The following AIM2 variants were observed in gnomAD, a reference collection of about 807,000 sequenced individuals.
AIM2 encodes the protein interferon-inducible protein AIM2.
In AIM2, 30 loss-of-function variants were observed where a neutral mutation model predicts 27.7. That is an observed-to-expected ratio of 1.08 (90% confidence interval 0.81 to 1.47). The LOEUF (loss-of-function observed/expected upper bound fraction) is 1.47, where lower values mean the gene tolerates loss of function less well. Ranked by LOEUF, AIM2 falls within the 40% of genes most tolerant of loss-of-function variation. The pLI, the probability that AIM2 is intolerant of heterozygous loss-of-function variation, is 0.00. For synonymous variants in AIM2, 141 were observed against 145.3 expected, an observed-to-expected ratio of 0.97 and a Z score of 0.21; for missense variants, 358 against 411.3, an observed-to-expected ratio of 0.87 and a Z score of 1.12.
chr1:159,140,873 A>G (rs1648098666), upstream of AIM2, among the ~76,000 whole-genome samples: 1 of 152,180 alleles, frequency 6.6e-6, no homozygotes, highest in Non-Finnish European at 1.5e-5. Flanking sequence ...CAGATACAAC[A>G]CTTGAAGTCT....
In AIM2 at chr1:159,066,261, T is replaced by C. The variant is rs147270343; in HGVS notation, c.465A>G (p.Pro155=). The C allele has an allele frequency of 2.2e-5, 35 of 1,614,056 alleles. No individual in the cohort carries two copies. The African/African-American group carries it at 3.9e-4, about 18-fold the overall frequency. ...IREGFQKRCL[P]VMVLKAKKPF... ...GCTTCTTTGCTTTCAGTACCATAAC[T>C]GGCAAACAGCGCTTCTGAAACCCTT... The change falls in exon 4 of 6, where the codon CCA becomes CCG. Residue 155 remains proline (P), a synonymous_variant. Transcript: ENST00000368130.
the AIM2 span, among the ~76,000 whole-genome samples, chr1:159,056,801 T>G: frequency 7.2e-6 from 1 of 138,616 alleles, no homozygotes; most frequent in African/African-American, 2.6e-5. Context: ...CTGAGCCCAA[T>G]CCTAAGCTGA....
chr1:159,065,093 C>T (rs796211841), intron 4 of AIM2, among the ~76,000 whole-genome samples: 1 of 152,260 alleles, frequency 6.6e-6, no homozygotes, highest in East Asian at 1.9e-4. Context: ...CTGAAACTAA[C>T]CCAGGGCAGC....
chr1:159,143,581 T>TACACACACACAC (rs6143439), upstream of AIM2, among the ~76,000 whole-genome samples: 28 of 144,158 alleles, frequency 1.9e-4, no homozygotes, highest in Non-Finnish European at 2.7e-4. Flanking sequence ...GCTCAGTGTG[T>TACACACACACAC]ACACACACAC....
At chr1:159,081,528 T>A, upstream of AIM2, 1 of 521,144 alleles carries the variant, frequency 1.9e-6, no homozygotes, top group Non-Finnish European at 3.9e-6. Context: ...ACATTGGTGC[T>A]GCAGAAGTCA....
chr1:159,143,581 TACACACACACACACACACACACACAC>T (rs6143439), upstream of AIM2, among the ~76,000 whole-genome samples: 312 of 144,158 alleles, frequency 2.2e-3, 3 homozygotes, highest in Middle Eastern at 0.01. Flanking sequence ...GCTCAGTGTG[TACACACACACACACACACACACACAC>T]ACACACACAC....
At chr1:159,085,461 G>A (rs549799757) in intron 1 of AIM2, among the ~76,000 whole-genome samples, 13 of 152,310 alleles carry the variant, frequency 8.5e-5, no homozygotes, top group Admixed American at 7.2e-4. Context: ...GAGTACCCAA[G>A]GAGGAGTAGG....
upstream of AIM2, among the ~76,000 whole-genome samples, chr1:159,140,800 G>A (rs566931280): frequency 2.6e-5 from 4 of 152,286 alleles, no homozygotes; most frequent in South Asian, 2.1e-4. Flanking sequence ...AAAAATGAAC[G>A]CGGGAGGAGA....
Position 159,063,670 on chromosome 1 carries a change from G to A in AIM2, c.821C>T (p.Thr274Ile). The change falls in exon 5 of 6, where the codon ACA becomes ATA. Residue 274 changes from threonine to isoleucine, a missense_variant. Physicochemically the swap from Thr to Ile is moderately conservative, Grantham distance 89. Coordinates refer to ENST00000368130, the MANE Select transcript of AIM2 (RefSeq NM_004833.3). ...VNGLFVVQKV[T>I]EKKKNILFDL... ...AAATAATATGTTTTTCTTCTTTTCT[G>A]TTACCTATAAAAGAAAATCAACACC... 2 of 1,611,002 alleles carry A rather than the reference G, an allele frequency of 1.2e-6. No individual in the cohort carries two copies. The highest frequency in any genetic ancestry group is 1.7e-6 in the Non-Finnish European group (2 of 1,179,028).
intron 5 of AIM2, 86 bp downstream of exon 5, chr1:159,063,400 G>T: frequency 7.6e-7 from 1 of 1,323,364 alleles, no homozygotes; most frequent in Non-Finnish European, 1.0e-6. Flanking sequence ...TCTATATCCT[G>T]TTCAATGGCT....
intron 2 of AIM2, among the ~76,000 whole-genome samples, chr1:159,069,357 A>C (rs149988514): frequency 6.6e-6 from 1 of 152,132 alleles, no homozygotes; most frequent in Non-Finnish European, 1.5e-5. Context: ...TATAATGTAC[A>C]TAAATATTCA....
Position 159,062,559 on chromosome 1 carries a change from A to G in AIM2, c.*133T>C. The G allele has an allele frequency of 1.3e-6, 1 of 745,604 alleles. No homozygotes were observed. Among genetic ancestry groups the G allele is most frequent in the Admixed American group, 2.5e-5 (1 of 39,428 alleles). The allele number at this position is 745,604 out of a possible 1,614,324, so 46.2% of individuals were successfully genotyped here. On this transcript the variant is annotated 3_prime_UTR_variant, in exon 6 of 6. Transcript: ENST00000368130. The stretch of plus-strand genomic sequence containing the variant: ...GTTTATCCAGCAATTATTCTATCCT[A>G]ATTTGGTGGAGAGAGGAGCCTGTGA...
chr1:159,072,863 A>G (rs1404386481), intron 2 of AIM2, among the ~76,000 whole-genome samples: 1 of 152,222 alleles, frequency 6.6e-6, no homozygotes, highest in Non-Finnish European at 1.5e-5. Context: ...TACTTTCAAG[A>G]CTTCAGTAGA....
downstream of AIM2, among the ~76,000 whole-genome samples, chr1:159,059,257 A>T (rs529408126): frequency 2.8e-4 from 42 of 151,672 alleles, no homozygotes; most frequent in African/African-American, 1.0e-3. Flanking sequence ...TTATACACAC[A>T]CACACACACC....
intron 1 of AIM2, among the ~76,000 whole-genome samples, chr1:159,094,068 T>G (rs942074877): frequency 1.3e-5 from 2 of 151,306 alleles, no homozygotes; most frequent in African/African-American, 2.5e-5. Flanking sequence ...TTGTAAAAAC[T>G]TAATATATTG....
intron 1 of AIM2, among the ~76,000 whole-genome samples, chr1:159,108,089 G>A (rs1260128680): frequency 1.3e-5 from 2 of 152,042 alleles, no homozygotes; most frequent in Non-Finnish European, 2.9e-5. Context: ...AACCAGGAAA[G>A]GACATAACAA....
At chr1:159,102,768 T>G (rs1205936660) in intron 1 of AIM2, among the ~76,000 whole-genome samples, 1 of 152,246 alleles carries the variant, frequency 6.6e-6, no homozygotes. Context: ...CCATTTGGAA[T>G]GAGTGTATTT....
chr1:159,136,030 C>T (rs1430103158), intron 1 of AIM2, among the ~76,000 whole-genome samples: 1 of 152,198 alleles, frequency 6.6e-6, no homozygotes, highest in Non-Finnish European at 1.5e-5. Flanking sequence ...TCCACGGGGA[C>T]TAGAATCTGA....
chr1:159,090,062 C>G (rs1008552905), intron 1 of AIM2, among the ~76,000 whole-genome samples: 4 of 152,202 alleles, frequency 2.6e-5, no homozygotes, highest in Non-Finnish European at 5.9e-5. Flanking sequence ...TTCAAGGTCA[C>G]AGCCTTCTTG....
Sources: gnomAD v4.1 joint callset for allele counts (sites outside exome capture counted in the v4.1 genomes callset) on GRCh38, gnomAD v4.1.1 for gene constraint, MANE v1.5 for transcripts, NCBI Gene and HGNC (gene_info 2026-07-23, HGNC 2026-07-21) for gene names.